The following CDC25A variants were observed in gnomAD, a reference collection of about 807,000 sequenced individuals.
The protein encoded by CDC25A is M-phase inducer phosphatase 1.
Under a neutral mutation model 64.6 loss-of-function variants are expected in CDC25A, and 17 were observed. That is an observed-to-expected ratio of 0.26 (90% CI 0.18 to 0.39). The LOEUF (loss-of-function observed/expected upper bound fraction) is 0.39, where lower values mean the gene tolerates loss of function less well. Among genes scored for constraint, CDC25A ranks in the 10% least tolerant of loss-of-function variants. The pLI is 1.00. For synonymous variants in CDC25A, 229 were observed against 238.6 expected (o/e 0.96, Z 0.37); for missense variants, 473 against 654.8 (o/e 0.72, Z 3.03).
chr3:48,181,156 C>T (rs1371952458), intron 5 of CDC25A, among the ~76,000 whole-genome samples: 1 of 152,034 alleles, frequency 6.6e-6, no homozygotes, highest in Non-Finnish European at 1.5e-5. Context: ...AATATAATTG[C>T]CTGTGAATAG....
chr3:48,177,503 G>C (rs2032507247), intron 7 of CDC25A, 61 bp from the exon 8 acceptor site: 1 of 1,285,734 alleles, frequency 7.8e-7, no homozygotes, highest in African/African-American at 1.5e-5. Context: ...TTGTTTAAGT[G>C]CTTTAGGTGT....
intron 5 of CDC25A, 144 bp from the exon 6 acceptor site, chr3:48,180,984 A>T (rs1385569726): frequency 1.5e-6 from 1 of 674,046 alleles, no homozygotes; most frequent in Admixed American, 2.8e-5. Flanking sequence ...GATCTGCGTA[A>T]CTAAGAATTT....
intron 14 of CDC25A, 22 bp downstream of exon 14, chr3:48,159,322 C>T (rs761803301): frequency 1.3e-6 from 2 of 1,534,474 alleles, no homozygotes; most frequent in Non-Finnish European, 1.8e-6. Context: ...AGGAGAGATG[C>T]TCTCCACAAC....
At chr3:48,161,338 T>C (rs916043934) in intron 13 of CDC25A, 1 of 155,506 alleles carries the variant, frequency 6.4e-6, no homozygotes, top group African/African-American at 2.4e-5. Flanking sequence ...TCTGTATATC[T>C]AGGTGAAGTT....
rs2032726327 is a variant in CDC25A, at chr3:48,183,149, T to C, written c.328-119A>G. ...GGGGGTAGACTAGCTCCTCACACAC[T>C]GCAGTAGGTAACCAGTAAATGTGGC... On this transcript the variant is annotated intron_variant, in intron 4 of 14. Transcript: ENST00000302506. 12 of 652,894 alleles carry C rather than the reference T, an allele frequency of 1.8e-5. No individual in the cohort carries two copies. The East Asian group carries it at 3.3e-4, about 18-fold the overall frequency. The allele number at this position is 652,894 out of a possible 1,614,324, so 40.4% of individuals were successfully genotyped here. A position where few individuals can be genotyped will look rare whatever the true frequency, so the allele number is the denominator to read the frequency against.
chr3:48,165,899 A>G lies in CDC25A; in HGVS notation c.1030-6T>C. On this transcript the variant is annotated splice_polypyrimidine_tract_variant and splice_region_variant and intron_variant, in intron 10 of 14. Coordinates refer to ENST00000302506, the MANE Select transcript of CDC25A (RefSeq NM_001789.3). ...ACTGTATGAAAGAGATAACCCTTAAAAAGAAAAAAAGATACTTAGAGAATC... is the reference window on the plus strand; with the variant it reads ...ACTGTATGAAAGAGATAACCCTTAAGAAGAAAAAAAGATACTTAGAGAATC... 6.6e-7 allele frequency: 1 copy of G among 1,523,440 alleles called. No individual in the cohort carries two copies. The highest frequency in any genetic ancestry group is 9.1e-7 in the Non-Finnish European group (1 of 1,097,946). The allele number at this position is 1,523,440 out of a possible 1,614,324, so 94.4% of individuals were successfully genotyped here. A position where few individuals can be genotyped will look rare whatever the true frequency, so the allele number is the denominator to read the frequency against.
At chr3:48,181,736 G>C (rs914790392) in intron 5 of CDC25A, 2 of 649,460 alleles carry the variant, frequency 3.1e-6, no homozygotes, top group Non-Finnish European at 5.7e-6. Context: ...AAGACTGGCT[G>C]AATTATAGAA....
chr3:48,181,605 T>C, intron 5 of CDC25A: 1 of 1,535,404 alleles, frequency 6.5e-7, no homozygotes, highest in Non-Finnish European at 9.0e-7. Context: ...CTTGTCCCTA[T>C]GGGATTTGTC....
At chr3:48,164,274 G>A (rs199891378) in intron 13 of CDC25A, 33 bp downstream of exon 13, 78 of 1,475,020 alleles carry the variant, frequency 5.3e-5, no homozygotes, top group South Asian at 5.8e-5. Context: ...CATGGAGCCT[G>A]TGCCCCAGAA....
chr3:48,183,912 T>G, intron 3 of CDC25A, 76 bp from the exon 4 acceptor site: 1 of 905,400 alleles, frequency 1.1e-6, no homozygotes, highest in Non-Finnish European at 1.8e-6. Context: ...GAGATAGTGT[T>G]TAGCCTGTAG....
chr3:48,159,168 G>T, intron 14 of CDC25A, 83 bp from the exon 15 acceptor site: 1 of 1,527,936 alleles, frequency 6.5e-7, no homozygotes. Context: ...GGGCTACAAG[G>T]CTGAAAGCGG....
chr3:48,164,945 TAA>T (rs781654424), intron 12 of CDC25A, among the ~76,000 whole-genome samples: 12 of 133,248 alleles, frequency 9.0e-5, no homozygotes, highest in Non-Finnish European at 8.2e-5. Context: ...CCGTCTCTAC[TAA>T]AAAAAAAAAA....
At chr3:48,161,695 ACTG>A (rs2031772079) in intron 13 of CDC25A, among the ~76,000 whole-genome samples, 2 of 151,866 alleles carry the variant, frequency 1.3e-5, no homozygotes, top group African/African-American at 2.4e-5. Flanking sequence ...GACAACAGAG[ACTG>A]ACCCTGACTC....
Position 48,177,848 on chromosome 3 carries a change from C to T in CDC25A, c.684+6G>A, listed in dbSNP as rs149708323. On this transcript the variant is annotated splice_donor_region_variant and intron_variant, in intron 7 of 14. Transcript: ENST00000302506. ...AAATAGGAACACACACACACACACA[C>T]GGTACCTTCAGATTCTCTCCATCGA... The T allele has an allele frequency of 3.0e-5, 46 of 1,558,594 alleles. No individual in the cohort carries two copies. The highest frequency in any genetic ancestry group is 1.8e-4 in the African/African-American group (13 of 71,388).
At position 48,177,377 on chromosome 3, in the gene CDC25A, TGTA is replaced by T. The variant is rs748846112; in HGVS notation, c.747_749del (p.Thr250del). Reference sequence around the variant, plus strand: ...ACACACTAGAACAACTCACAAGGTTTGTAGTTCTCATGACGAGAGGAGCTGTCC... The same window carrying T: ...ACACACTAGAACAACTCACAAGGTTTGTTCTCATGACGAGAGGAGCTGTCC... On this transcript the variant is annotated inframe_deletion, in exon 8 of 15. Coordinates refer to ENST00000302506, the MANE Select transcript of CDC25A (RefSeq NM_001789.3). 6.2e-7 allele frequency: 1 copy of T among 1,612,806 alleles called. No individual in the cohort carries two copies. The highest frequency in any genetic ancestry group is 8.5e-7 in the Non-Finnish European group (1 of 1,178,752).
chr3:48,180,574 CAAG>C, intron 6 of CDC25A, 144 bp downstream of exon 6: 1 of 800,888 alleles, frequency 1.2e-6, no homozygotes, highest in Non-Finnish European at 1.9e-6. Flanking sequence ...GCAAAACCAC[CAAG>C]AATGCTTGAC....
chr3:48,184,541 C>A, intron 3 of CDC25A, 112 bp downstream of exon 3: 3 of 716,004 alleles, frequency 4.2e-6, no homozygotes, highest in East Asian at 5.6e-5. Flanking sequence ...TTTCTAGGCA[C>A]AGGTAAATCC....
At chr3:48,183,565 C>T (rs1346923013) in intron 4 of CDC25A, among the ~76,000 whole-genome samples, 1 of 152,104 alleles carries the variant, frequency 6.6e-6, no homozygotes, top group Non-Finnish European at 1.5e-5. Context: ...TATATAGTCC[C>T]AGCTCCTCTG....
At chr3:48,164,185 G>C (rs1020075031) in intron 13 of CDC25A, 122 bp downstream of exon 13, 1 of 871,092 alleles carries the variant, frequency 1.1e-6, no homozygotes, top group East Asian at 2.9e-5. Flanking sequence ...AAAATGGCTT[G>C]TTATGTGCCA....
Sources: gnomAD v4.1 joint callset for allele counts (sites outside exome capture counted in the v4.1 genomes callset) on GRCh38, gnomAD v4.1.1 for gene constraint, MANE v1.5 for transcripts, NCBI Gene and HGNC (gene_info 2026-07-23, HGNC 2026-07-21) for gene names.